Variants in CEP41 observed in about 807,000 individuals in gnomAD.
CEP41 encodes the protein centrosomal protein 41, also known as centrosomal protein of 41 kDa.
In CEP41, 32 loss-of-function variants were observed where a neutral mutation model predicts 44.3. That is an observed-to-expected ratio of 0.72 (90% confidence interval 0.54 to 0.97). The LOEUF is 0.97. Among genes scored for constraint, CEP41 ranks in the 50% least tolerant of loss-of-function variants. CEP41 has a pLI of 0.00. For synonymous variants in CEP41, 151 were observed against 168.5 expected, an observed-to-expected ratio of 0.90 and a Z score of 0.80; for missense variants, 432 against 455.2, an observed-to-expected ratio of 0.95 and a Z score of 0.46.
chr7:130,416,464 A>G (rs1797338803), intron 3 of CEP41, among the ~76,000 whole-genome samples: 1 of 152,250 alleles, frequency 6.6e-6, no homozygotes, highest in Non-Finnish European at 1.5e-5. Flanking sequence ...TTGATAATGC[A>G]TAACACTAAG....
At chr7:130,415,602 A>C (rs751608220) in intron 3 of CEP41, among the ~76,000 whole-genome samples, 2 of 152,222 alleles carry the variant, frequency 1.3e-5, no homozygotes, top group Non-Finnish European at 2.9e-5. Flanking sequence ...ACTTTGAAGA[A>C]ATGTTTTAAG....
At chr7:130,440,613 G>T in intron 1 of CEP41, 1 of 545,598 alleles carries the variant, frequency 1.8e-6, no homozygotes, top group Non-Finnish European at 3.3e-6. Flanking sequence ...CGCTTCCTTT[G>T]TCTTTTCTGT....
Position 130,396,070 on chromosome 7 carries a change from A to G in CEP41, c.*2821T>C, listed in dbSNP as rs1554414398. On this transcript the variant is annotated 3_prime_UTR_variant, in exon 11 of 11. Coordinates refer to ENST00000223208, the MANE Select transcript of CEP41 (RefSeq NM_018718.3). ...CTTCTCTCTGCCCTCCCTTCTTCCC[A>G]TTTCCTTGCTTCTTTCTCCCTTCCT... The G allele has an allele frequency of 4.4e-6, 2 of 453,176 alleles. No homozygotes were observed. Among genetic ancestry groups the G allele is most frequent in the Non-Finnish European group, 8.8e-6 (2 of 226,568 alleles). 28.1% of individuals were successfully genotyped at this position (453,176 alleles called of 1,614,324 possible). A position where few individuals can be genotyped will look rare whatever the true frequency, so the allele number is the denominator to read the frequency against.
chr7:130,421,478 T>A, intron 2 of CEP41: 1 of 984,308 alleles, frequency 1.0e-6, no homozygotes, highest in Non-Finnish European at 1.2e-6. Flanking sequence ...GCCTTTCACA[T>A]ATATTTCTTC....
chr7:130,423,001 C>T (rs1797554309), intron 2 of CEP41, among the ~76,000 whole-genome samples: 1 of 152,206 alleles, frequency 6.6e-6, no homozygotes, highest in South Asian at 2.1e-4. Context: ...GGCTGGAGTG[C>T]AGTAGCGCCT....
At chr7:130,416,500 T>C (rs1260557533) in intron 3 of CEP41, among the ~76,000 whole-genome samples, 2 of 152,226 alleles carry the variant, frequency 1.3e-5, no homozygotes, top group Admixed American at 6.5e-5. Context: ...CTTCCATGAA[T>C]ACTCTCATTT....
Position 130,395,033 on chromosome 7 carries a change from C to A in CEP41, c.*3858G>T, listed in dbSNP as rs1204104386. On this transcript the variant is annotated 3_prime_UTR_variant, in exon 11 of 11. Transcript: ENST00000223208. ...TCAGGGGATCACAATGTGACAGACACCGTTTCGAAAACACATAAAATCATG... is the reference window on the plus strand; with the variant it reads ...TCAGGGGATCACAATGTGACAGACAACGTTTCGAAAACACATAAAATCATG... 1 of 453,952 alleles carries A rather than the reference C, an allele frequency of 2.2e-6. No individual in the cohort carries two copies. The highest frequency in any genetic ancestry group is 4.4e-6 in the Non-Finnish European group (1 of 226,792). The allele number at this position is 453,952 out of a possible 1,614,324, so 28.1% of individuals were successfully genotyped here.
At position 130,398,862 on chromosome 7, in the gene CEP41, C is replaced by T; in HGVS notation, c.*29G>A. ...TCAGGGGTTCTGAAAAGAGGAAGAACATTTATTTGCCTAAGTGAGACAAAG... is the reference window on the plus strand; with the variant it reads ...TCAGGGGTTCTGAAAAGAGGAAGAATATTTATTTGCCTAAGTGAGACAAAG... On this transcript the variant is annotated 3_prime_UTR_variant, in exon 11 of 11. Transcript: ENST00000223208. The T allele has an allele frequency of 6.2e-7, 1 of 1,613,558 alleles. No individual in the cohort carries two copies. The highest frequency in any genetic ancestry group is 8.5e-7 in the Non-Finnish European group (1 of 1,179,438).
intron 6 of CEP41, among the ~76,000 whole-genome samples, chr7:130,404,129 A>G (rs868928243): frequency 6.6e-4 from 101 of 152,354 alleles, no homozygotes; most frequent in African/African-American, 2.3e-3. Context: ...TAGAATAAAC[A>G]CCAAGTACTG....
At chr7:130,434,389 G>T (rs6467308) in intron 1 of CEP41, among the ~76,000 whole-genome samples, 78,021 of 151,964 alleles carry the variant, frequency 0.51, 20,236 homozygotes, top group African/African-American at 0.57. Flanking sequence ...AAGACCCTGT[G>T]AAGAAGATGA....
chr7:130,405,842 G>A (rs2402997), intron 5 of CEP41, among the ~76,000 whole-genome samples: 88,862 of 152,032 alleles, frequency 0.58, 26,639 homozygotes, highest in African/African-American at 0.72. Context: ...AAGGACTATT[G>A]AAATATTTCT....
At chr7:130,417,913 A>G (rs1346049672) in intron 2 of CEP41, among the ~76,000 whole-genome samples, 1 of 152,240 alleles carries the variant, frequency 6.6e-6, no homozygotes, top group Non-Finnish European at 1.5e-5. Flanking sequence ...TAATAGTAGC[A>G]TGAACTGACA....
At chr7:130,439,581 A>G (rs1554427014) in intron 1 of CEP41, among the ~76,000 whole-genome samples, 1 of 151,724 alleles carries the variant, frequency 6.6e-6, no homozygotes, top group African/African-American at 2.4e-5. Context: ...CTCTACTTCT[A>G]TGAGCTGGAC....
chr7:130,423,806 A>C (rs1388002582), intron 2 of CEP41, among the ~76,000 whole-genome samples: 1 of 152,240 alleles, frequency 6.6e-6, no homozygotes, highest in African/African-American at 2.4e-5. Flanking sequence ...ACCGACACAT[A>C]CTACAGCATA....
At chr7:130,422,812 A>G (rs1228955927) in intron 2 of CEP41, among the ~76,000 whole-genome samples, 1 of 152,204 alleles carries the variant, frequency 6.6e-6, no homozygotes, top group South Asian at 2.1e-4. Context: ...TTCCAGAAAG[A>G]TGGGGTAGAT....
chr7:130,398,089 C>A lies in CEP41; in HGVS notation c.*802G>T, dbSNP rs782816068. Reference sequence around the variant, plus strand: ...TGAAGCTGGGCAATGGGCGTCATAACTGATATACTGACCACAAGTGAGGGC... The same window carrying A: ...TGAAGCTGGGCAATGGGCGTCATAAATGATATACTGACCACAAGTGAGGGC... On this transcript the variant is annotated 3_prime_UTR_variant, in exon 11 of 11. Coordinates refer to ENST00000223208, the MANE Select transcript of CEP41 (RefSeq NM_018718.3). 2 of 454,126 alleles carry A rather than the reference C, an allele frequency of 4.4e-6. No homozygotes were observed. The highest frequency in any genetic ancestry group is 3.1e-5 in the South Asian group (2 of 64,476). The allele number at this position is 454,126 out of a possible 1,614,324, so 28.1% of individuals were successfully genotyped here.
chr7:130,433,956 C>T (rs572395277), intron 1 of CEP41, among the ~76,000 whole-genome samples: 1 of 152,274 alleles, frequency 6.6e-6, no homozygotes, highest in South Asian at 2.1e-4. Flanking sequence ...GGAGGAATGT[C>T]AAAGGAGATT....
chr7:130,418,654 A>C (rs1023934412), intron 2 of CEP41, among the ~76,000 whole-genome samples: 6 of 152,222 alleles, frequency 3.9e-5, no homozygotes, highest in Non-Finnish European at 7.3e-5. Flanking sequence ...GTCTGGTGGC[A>C]TGGCAAGTTA....
At chr7:130,405,675 T>A (rs190937940) in intron 5 of CEP41, among the ~76,000 whole-genome samples, 1 of 152,360 alleles carries the variant, frequency 6.6e-6, no homozygotes, top group East Asian at 1.9e-4. Flanking sequence ...TGCATGATGT[T>A]ATACAATCAT....
Sources: allele counts gnomAD v4.1 joint callset (sites outside exome capture counted in the v4.1 genomes callset), GRCh38; gene constraint gnomAD v4.1.1; transcripts MANE v1.5; gene names NCBI Gene and HGNC (gene_info 2026-07-23, HGNC 2026-07-21).